Variants in DAB1 observed in about 807,000 individuals in gnomAD.
DAB1 encodes disabled homolog 1.
In DAB1, 15 loss-of-function variants were observed where a neutral mutation model predicts 64.6. The ratio of observed to expected loss-of-function variants is 0.23; its 90% CI spans 0.16 to 0.36. DAB1 has a LOEUF of 0.36. Among genes scored for constraint, DAB1 ranks in the 10% least tolerant of loss-of-function variants. The pLI is 1.00. For missense variants in DAB1, 596 were observed against 706.7 expected (o/e 0.84, Z 1.78); for synonymous variants, 235 against 251.9 (o/e 0.93, Z 0.64).
intron 4 of DAB1, among the ~76,000 whole-genome samples, chr1:58,203,721 A>G (rs1303859058): frequency 6.6e-6 from 1 of 152,162 alleles, no homozygotes; most frequent in Non-Finnish European, 1.5e-5. Flanking sequence ...AACTACTGCT[A>G]TGTCATATAA....
chr1:58,478,634 ATAAT>A (rs1164663317), intron 3 of DAB1, among the ~76,000 whole-genome samples: 2 of 152,194 alleles, frequency 1.3e-5, no homozygotes, highest in African/African-American at 4.8e-5. Context: ...CTTTGAACAG[ATAAT>A]TATTGTACAG....
intron 5 of DAB1, among the ~76,000 whole-genome samples, 185 bp downstream of exon 5, chr1:57,072,098 G>A (rs1435890281): frequency 6.6e-6 from 1 of 151,524 alleles, no homozygotes; most frequent in East Asian, 1.9e-4. Flanking sequence ...AAACTGGATG[G>A]GTATGAGCAT....
chr1:58,065,756 G>A (rs1014316685), intron 5 of DAB1, among the ~76,000 whole-genome samples: 7 of 152,122 alleles, frequency 4.6e-5, no homozygotes, highest in African/African-American at 1.7e-4. Flanking sequence ...AGGAAGCAGG[G>A]GTCAGCAGAG....
At chr1:57,024,784 T>C (rs965064184) in intron 10 of DAB1, among the ~76,000 whole-genome samples, 15 of 152,214 alleles carry the variant, frequency 9.9e-5, no homozygotes, top group Non-Finnish European at 1.9e-4. Flanking sequence ...TCTAGCTGCA[T>C]AGCCCTGCCG....
chr1:57,401,341 G>A lies in DAB1; in HGVS notation c.-137+22589C>T, dbSNP rs1683226244. Among the ~76,000 whole-genome samples the A allele has an allele frequency of 2.0e-5, 3 of 152,188 alleles. No individual in the cohort carries two copies. In the South Asian group the frequency reaches 6.2e-4, roughly 32 times the overall value. ...AAATGCAATGTAGTTTATTCATGTG[G>A]TTGCTAAATATTTATTAAGTGCATA... On this transcript the variant is annotated intron_variant, in intron 1 of 14. Transcript: ENST00000371236.
At chr1:57,901,157 C>G (rs1644467849) in intron 5 of DAB1, among the ~76,000 whole-genome samples, 1 of 152,112 alleles carries the variant, frequency 6.6e-6, no homozygotes, top group African/African-American at 2.4e-5. Context: ...GCAAGTCTGT[C>G]CAGCTCTCCT....
chr1:57,784,660 A>G, intron 6 of DAB1, among the ~76,000 whole-genome samples: 1 of 152,182 alleles, frequency 6.6e-6, no homozygotes, highest in East Asian at 1.9e-4. Context: ...AGGCTGAAAG[A>G]GGTGAAGAAG....
intron 6 of DAB1, among the ~76,000 whole-genome samples, chr1:57,794,661 T>C (rs1650756703): frequency 6.6e-6 from 1 of 152,192 alleles, no homozygotes; most frequent in East Asian, 1.9e-4. Flanking sequence ...TCCATGTGTG[T>C]TATTTCTCAA....
In DAB1 at chr1:57,015,178, G is replaced by A. The variant is rs1429376737; in HGVS notation, c.1149C>T (p.Pro383=). 1 of 1,614,126 alleles carries A rather than the reference G, an allele frequency of 6.2e-7. No homozygotes were observed. Among genetic ancestry groups the A allele is most frequent in the Admixed American group, 1.7e-5 (1 of 60,020 alleles). The part of the protein sequence containing the change: ...MPLPAAMFQG[P]LTPLATVPGT... ...CTGGGACGGTGGCAAGGGGGGTGAG[G>A]GGACCTTGGAACATGGCAGCTGGCA... is the stretch of plus-strand genomic sequence containing the variant. Residue 383 remains proline, a synonymous_variant, in exon 12 of 15, where the codon CCC becomes CCT. Coordinates refer to ENST00000371236, the MANE Select transcript of DAB1 (RefSeq NM_001365792.1).
At chr1:57,550,421 C>T (rs1368494784) in intron 7 of DAB1, among the ~76,000 whole-genome samples, 1 of 152,134 alleles carries the variant, frequency 6.6e-6, no homozygotes. Flanking sequence ...TGCTAAATTA[C>T]AGTTTCAACT....
rs1032789393 is a variant in DAB1, at chr1:57,075,246, A to G, written c.307-2832T>C. On this transcript the variant is annotated intron_variant, in intron 4 of 14. Transcript: ENST00000371236. Reference sequence around the variant, plus strand: ...ATGGTAAAATATCACTTACCAGGCAAGACAGCAGATGGAGATGTTTTAATT... The same window carrying G: ...ATGGTAAAATATCACTTACCAGGCAGGACAGCAGATGGAGATGTTTTAATT... Among the ~76,000 whole-genome samples, 4 of 152,220 alleles carry G rather than the reference A, an allele frequency of 2.6e-5. No homozygotes were observed. In the East Asian group the frequency reaches 5.8e-4, roughly 22 times the overall value.
At chr1:57,675,599 C>T (rs1021426687) in intron 6 of DAB1, among the ~76,000 whole-genome samples, 2 of 152,182 alleles carry the variant, frequency 1.3e-5, no homozygotes, top group Non-Finnish European at 2.9e-5. Context: ...CGAAATGAAG[C>T]ATTGATAATG....
At chr1:58,108,407 C>T (rs1408775053) in intron 5 of DAB1, among the ~76,000 whole-genome samples, 1 of 152,146 alleles carries the variant, frequency 6.6e-6, no homozygotes, top group African/African-American at 2.4e-5. Flanking sequence ...ATATCATGAA[C>T]AAAACTAACA....
At chr1:58,361,675 T>C (rs1644168647) in intron 3 of DAB1, among the ~76,000 whole-genome samples, 1 of 152,090 alleles carries the variant, frequency 6.6e-6, no homozygotes, top group Non-Finnish European at 1.5e-5. Flanking sequence ...AAGATCGGAT[T>C]CTGGCTTTCA....
chr1:57,123,485 T>C (rs1656849677), intron 4 of DAB1, among the ~76,000 whole-genome samples: 1 of 152,120 alleles, frequency 6.6e-6, no homozygotes, highest in African/African-American at 2.4e-5. Flanking sequence ...CTGGCAAATA[T>C]GTGGTAAAAC....
At chr1:57,798,326 G>A (rs764096441) in intron 6 of DAB1, among the ~76,000 whole-genome samples, 1 of 152,230 alleles carries the variant, frequency 6.6e-6, no homozygotes, top group South Asian at 2.1e-4. Flanking sequence ...GGGAATGAAG[G>A]TACGTAAGTT....
At chr1:57,433,169 ATAAAATTCCTAGCACAC>A (rs1198219641) in intron 7 of DAB1, among the ~76,000 whole-genome samples, 2 of 152,168 alleles carry the variant, frequency 1.3e-5, no homozygotes, top group African/African-American at 4.8e-5. Flanking sequence ...CACAATCCCA[ATAAAATTCCTAGCACAC>A]TTTTTGAAAA....
At chr1:57,225,953 A>G (rs1667231825) in intron 2 of DAB1, among the ~76,000 whole-genome samples, 1 of 152,176 alleles carries the variant, frequency 6.6e-6, no homozygotes, top group Admixed American at 6.6e-5. Flanking sequence ...CTTATTTGAC[A>G]TTCCCACAAC....
At chr1:57,913,792 A>G (rs1359452906) in intron 5 of DAB1, among the ~76,000 whole-genome samples, 1 of 152,246 alleles carries the variant, frequency 6.6e-6, no homozygotes, top group East Asian at 1.9e-4. Flanking sequence ...AAGGATATGA[A>G]CAGACACTTC....
Sources: allele counts gnomAD v4.1 joint callset (sites outside exome capture counted in the v4.1 genomes callset), GRCh38; gene constraint gnomAD v4.1.1; transcripts MANE v1.5; gene names NCBI Gene and HGNC (gene_info 2026-07-23, HGNC 2026-07-21).